The following SUSD1 variants were observed in gnomAD, a reference collection of about 807,000 sequenced individuals.
The protein encoded by SUSD1 is sushi domain containing 1.
In SUSD1, 65 loss-of-function variants were observed where a neutral mutation model predicts 86.9. That is an observed-to-expected ratio of 0.75 (90% CI 0.61 to 0.92). SUSD1 has a LOEUF of 0.92. SUSD1 is among the 40% of genes least tolerant of loss of function. The pLI is 0.00. For synonymous variants in SUSD1, 346 were observed against 350.0 expected, an observed-to-expected ratio of 0.99 and a Z score of 0.13; for missense variants, 850 against 929.7, an observed-to-expected ratio of 0.91 and a Z score of 1.11.
intron 5 of SUSD1, among the ~76,000 whole-genome samples, chr9:112,133,907 G>C (rs1393545914): frequency 2.0e-5 from 3 of 152,120 alleles, no homozygotes; most frequent in Non-Finnish European, 2.9e-5. Context: ...GTGGGCAAAA[G>C]ACATGAACAG....
intron 5 of SUSD1, among the ~76,000 whole-genome samples, chr9:112,140,218 C>T (rs1226120694): frequency 7.8e-6 from 1 of 128,408 alleles, no homozygotes; most frequent in Non-Finnish European, 1.6e-5. Context: ...AAAAATTAGC[C>T]GGGCGCGGTG....
At chr9:112,128,127 C>T (rs1028289400) in intron 5 of SUSD1, among the ~76,000 whole-genome samples, 19 of 152,168 alleles carry the variant, frequency 1.2e-4, no homozygotes, top group African/African-American at 4.6e-4. Context: ...CAGTCTCACT[C>T]TGTTGCCCAG....
intron 12 of SUSD1, among the ~76,000 whole-genome samples, chr9:112,066,400 T>C (rs1828980152): frequency 6.6e-6 from 1 of 152,092 alleles, no homozygotes; most frequent in Admixed American, 6.5e-5. Flanking sequence ...CCAGCTTGAG[T>C]ACACAGGAAA....
chr9:112,174,468 A>T (rs1002745862), intron 1 of SUSD1, among the ~76,000 whole-genome samples: 1 of 151,928 alleles, frequency 6.6e-6, no homozygotes, highest in Non-Finnish European at 1.5e-5. Flanking sequence ...AGGAAAAACA[A>T]CTCCCTCGAT....
chr9:112,158,083 TA>T (rs1165014694), intron 1 of SUSD1, among the ~76,000 whole-genome samples: 8 of 151,858 alleles, frequency 5.3e-5, no homozygotes, highest in Admixed American at 2.0e-4. Flanking sequence ...CTTGGCCTTC[TA>T]AAGTACTGGG....
Position 112,143,595 on chromosome 9 carries a change from CAG to C in SUSD1, c.400_401del (p.Leu134ValfsTer15). 6.2e-7 allele frequency: 1 copy of C among 1,613,654 alleles called. No homozygotes were observed. The highest frequency in any genetic ancestry group is 8.5e-7 in the Non-Finnish European group (1 of 1,179,888). On this transcript the variant is annotated frameshift_variant, in exon 4 of 17. Transcript: ENST00000374270. LOFTEE classifies it high-confidence loss of function. ...TCACGCATCGCCCTCCATGCCTGCA[CAG>C]GCCAGAAACTTCACACTCATCTATG... Reference protein sequence around the residue: ...TDIDECEVSGLCRHGGRCVNT... With the variant: ...TDIDECEVSGXCRHGGRCVNT...
chr9:112,157,596 T>C lies in SUSD1; in HGVS notation c.121A>G (p.Thr41Ala). Residue 41 changes from threonine (T) to alanine (A), a missense_variant, in exon 2 of 17, where the codon ACT becomes GCT. Physicochemically the swap from Thr to Ala is moderately conservative, Grantham distance 58 (BLOSUM62 0). Coordinates refer to ENST00000374270, the MANE Select transcript of SUSD1 (RefSeq NM_022486.5). ...TGGCATGTGGCATGTTCATGGCAAG[T>C]GGCACAGACGTCTAAACCTGAATCA... Reference protein sequence around the residue: ...PGPDGLDVCATCHEHATCQQR... With the variant: ...PGPDGLDVCAACHEHATCQQR... 1 of 1,613,950 alleles carries C rather than the reference T, an allele frequency of 6.2e-7. No individual in the cohort carries two copies. Among genetic ancestry groups the C allele is most frequent in the Non-Finnish European group, 8.5e-7 (1 of 1,179,856 alleles).
At chr9:112,120,868 C>A (rs1831526342) in intron 6 of SUSD1, among the ~76,000 whole-genome samples, 1 of 152,206 alleles carries the variant, frequency 6.6e-6, no homozygotes, top group South Asian at 2.1e-4. Flanking sequence ...GCAGCTTGAG[C>A]AATGAAGCAA....
chr9:112,096,356 T>A (rs1193918985), intron 10 of SUSD1, among the ~76,000 whole-genome samples: 1 of 152,120 alleles, frequency 6.6e-6, no homozygotes, highest in Non-Finnish European at 1.5e-5. Flanking sequence ...TTTGCCAGTC[T>A]CCTATACACC....
intron 6 of SUSD1, among the ~76,000 whole-genome samples, chr9:112,122,209 C>T (rs1475301241): frequency 1.3e-5 from 2 of 152,188 alleles, no homozygotes; most frequent in African/African-American, 2.4e-5. Context: ...CTCTATCCCC[C>T]AGGCTGGAGT....
At chr9:112,163,375 C>T (rs1252604540) in intron 1 of SUSD1, among the ~76,000 whole-genome samples, 1 of 151,846 alleles carries the variant, frequency 6.6e-6, no homozygotes, top group African/African-American at 2.4e-5. Flanking sequence ...CTATGTTGCC[C>T]AGGCTGGTTT....
intron 5 of SUSD1, among the ~76,000 whole-genome samples, chr9:112,136,989 C>A (rs1240254631): frequency 6.6e-6 from 1 of 152,182 alleles, no homozygotes; most frequent in Non-Finnish European, 1.5e-5. Context: ...CACCTCCCAT[C>A]TCCAGGGCAC....
At chr9:112,046,821 A>G (rs1827975782) in intron 15 of SUSD1, among the ~76,000 whole-genome samples, 1 of 152,246 alleles carries the variant, frequency 6.6e-6, no homozygotes, top group Non-Finnish European at 1.5e-5. Context: ...AAAGGAAATC[A>G]AAGTGGAAAA....
At chr9:112,162,850 C>A (rs1354198208) in intron 1 of SUSD1, among the ~76,000 whole-genome samples, 1 of 152,186 alleles carries the variant, frequency 6.6e-6, no homozygotes. Context: ...CTGTAACCAA[C>A]CAAATCGCTG....
intron 12 of SUSD1, among the ~76,000 whole-genome samples, chr9:112,067,819 CCCACCCTAGCCCT>C (rs1829058194): frequency 6.6e-6 from 1 of 152,052 alleles, no homozygotes; most frequent in Admixed American, 6.6e-5. Flanking sequence ...CCCCAATCCC[CCCACCCTAGCCCT>C]AAACCCTGCC....
chr9:112,082,841 T>C (rs1032095022), intron 10 of SUSD1, among the ~76,000 whole-genome samples: 1 of 152,000 alleles, frequency 6.6e-6, no homozygotes, highest in Non-Finnish European at 1.5e-5. Context: ...CCTCAGTCTC[T>C]CAAGTAGCTG....
At chr9:112,163,066 A>AT (rs1433977088) in intron 1 of SUSD1, among the ~76,000 whole-genome samples, 1 of 152,066 alleles carries the variant, frequency 6.6e-6, no homozygotes, top group Non-Finnish European at 1.5e-5. Flanking sequence ...ACAAATGCAA[A>AT]TTTTTTAGAT....
intron 9 of SUSD1, among the ~76,000 whole-genome samples, chr9:112,099,617 T>A (rs887397459): frequency 6.6e-6 from 1 of 152,142 alleles, no homozygotes; most frequent in Non-Finnish European, 1.5e-5. Flanking sequence ...CAGCAGGGAA[T>A]TATAGGGAAA....
chr9:112,078,371 C>T (rs546487328), intron 12 of SUSD1, among the ~76,000 whole-genome samples, 167 bp downstream of exon 12: 6 of 152,258 alleles, frequency 3.9e-5, no homozygotes, highest in African/African-American at 1.2e-4. Flanking sequence ...TGAAACATAA[C>T]AGTCACAGAG....
Sources: allele counts gnomAD v4.1 joint callset (sites outside exome capture counted in the v4.1 genomes callset), GRCh38; gene constraint gnomAD v4.1.1; transcripts MANE v1.5; gene names NCBI Gene and HGNC (gene_info 2026-07-23, HGNC 2026-07-21).